Variants in BCAS1 observed in about 807,000 individuals in gnomAD.
BCAS1 encodes the protein breast carcinoma-amplified sequence 1.
In BCAS1, 46 loss-of-function variants were observed where a neutral mutation model predicts 65.4. The observed-to-expected ratio is 0.70, with a 90% CI of 0.55 to 0.90. BCAS1 has a LOEUF of 0.90. Among genes scored for constraint, BCAS1 ranks in the 40% least tolerant of loss-of-function variants. The pLI is 0.00. For missense variants in BCAS1, 793 were observed against 771.2 expected, an observed-to-expected ratio of 1.03 and a Z score of -0.33; for synonymous variants, 298 against 293.5, an observed-to-expected ratio of 1.02 and a Z score of -0.16.
intron 6 of BCAS1, among the ~76,000 whole-genome samples, chr20:53,994,141 G>A (rs898266896): frequency 6.6e-6 from 1 of 152,182 alleles, no homozygotes; most frequent in East Asian, 1.9e-4. Flanking sequence ...TCCTTCACAT[G>A]TGGGTAGCAG....
At chr20:54,058,231 T>C in intron 2 of BCAS1, 77 bp from the exon 3 acceptor site, 1 of 1,278,612 alleles carries the variant, frequency 7.8e-7, no homozygotes, top group Non-Finnish European at 1.1e-6. Flanking sequence ...ACCTCTAAGA[T>C]ACAAGGGTGT....
At chr20:53,954,335 G>GAGAGAGAGAGAGAGAGAGAGA (rs1555840854) in intron 11 of BCAS1, among the ~76,000 whole-genome samples, 24 of 138,620 alleles carry the variant, frequency 1.7e-4, no homozygotes, top group African/African-American at 4.8e-4. Flanking sequence ...GAGAGAGAGA[G>GAGAGAGAGAGAGAGAGAGAGA]GGACCAGGCA....
At chr20:54,036,074 G>A (rs2091895171) in intron 3 of BCAS1, among the ~76,000 whole-genome samples, 1 of 151,020 alleles carries the variant, frequency 6.6e-6, no homozygotes, top group African/African-American at 2.4e-5. Context: ...TGGGAGGAGG[G>A]AGAGGATCAG....
At chr20:54,006,445 C>T (rs188991611) in intron 4 of BCAS1, among the ~76,000 whole-genome samples, 261 of 152,240 alleles carry the variant, frequency 1.7e-3, no homozygotes, top group East Asian at 0.012. Flanking sequence ...CATGGTGGCT[C>T]ACGCCTGTAA....
chr20:53,975,418 C>T lies in BCAS1; in HGVS notation c.1288G>A (p.Asp430Asn). 4 of 1,612,228 alleles carry T rather than the reference C, an allele frequency of 2.5e-6. No homozygotes were observed. Among genetic ancestry groups the T allele is most frequent in the Non-Finnish European group, 3.4e-6 (4 of 1,178,812 alleles). Residue 430 changes from aspartate to asparagine, a missense_variant, in exon 9 of 13, where the codon GAC becomes AAC. Asp to Asn is a conservative substitution (Grantham distance 23). Coordinates refer to ENST00000688948, the MANE Select transcript of BCAS1 (RefSeq NM_001366298.2). ...KLFWKKSVKE[D>N]SVPTGAEENV... The stretch of plus-strand genomic sequence containing the variant: ...TCCTCCGCACCTGTGGGGACTGAGT[C>T]CTCTTTAACTGACTAAAGGAAGATA...
Position 53,995,873 on chromosome 20 carries a change from A to G in BCAS1, c.882+19T>C. The G allele has an allele frequency of 6.3e-7, 1 of 1,577,688 alleles. No individual in the cohort carries two copies. The highest frequency in any genetic ancestry group is 8.6e-7 in the Non-Finnish European group (1 of 1,160,674). ...TTTGAGCAATAGAGTGGAGGGGAAA[A>G]GAGGAGAAAACTGCTTACCAGAGTT... On this transcript the variant is annotated intron_variant, in intron 5 of 12. Transcript: ENST00000688948.
chr20:53,957,622 G>T, intron 10 of BCAS1, 125 bp from the exon 11 acceptor site: 1 of 814,966 alleles, frequency 1.2e-6, no homozygotes, highest in Admixed American at 2.0e-5. Flanking sequence ...CAAATGGAAG[G>T]CCAACTGGAA....
Position 54,028,613 on chromosome 20 carries a change from T to C in BCAS1, c.502A>G (p.Arg168Gly), listed in dbSNP as rs748770815. Residue 168 changes from arginine to glycine, a missense_variant, in exon 4 of 13, where the codon AGG becomes GGG. Transcript: ENST00000688948. ...PAQDKVLSAA[R>G]DPTLLPPETG... ...TCAGGTGGGAGAAGCGTGGGATCCC[T>C]GGCGGCAGAGAGGACCTTGTCTTGG... is the stretch of plus-strand genomic sequence containing the variant. 6.2e-7 allele frequency: 1 copy of C among 1,614,194 alleles called. No individual in the cohort carries two copies. The highest frequency in any genetic ancestry group is 1.1e-5 in the South Asian group (1 of 91,076).
chr20:53,952,073 C>A (rs2089544534), intron 12 of BCAS1, among the ~76,000 whole-genome samples: 1 of 152,202 alleles, frequency 6.6e-6, no homozygotes, highest in African/African-American at 2.4e-5. Flanking sequence ...TGTCTCCATT[C>A]TCAAAGTGGG....
At chr20:53,994,991 T>G in intron 6 of BCAS1, 21 bp downstream of exon 6, 1 of 1,608,772 alleles carries the variant, frequency 6.2e-7, no homozygotes, top group Non-Finnish European at 8.5e-7. Context: ...AATATATACA[T>G]ACACACTTCC....
chr20:53,960,469 TAAAAAAAAAAA>T (rs11467629), intron 10 of BCAS1, among the ~76,000 whole-genome samples: 240 of 63,114 alleles, frequency 3.8e-3, no homozygotes, highest in African/African-American at 0.014. Flanking sequence ...TTCAACTTCT[TAAAAAAAAAAA>T]AAAAAAAAAA....
chr20:54,058,994 T>C (rs1048691925), intron 1 of BCAS1, among the ~76,000 whole-genome samples: 2 of 152,128 alleles, frequency 1.3e-5, no homozygotes, highest in African/African-American at 2.4e-5. Flanking sequence ...AGAAGACACC[T>C]CTCCACAGGA....
At chr20:54,014,539 G>A (rs1433808581) in intron 4 of BCAS1, among the ~76,000 whole-genome samples, 2 of 152,190 alleles carry the variant, frequency 1.3e-5, no homozygotes, top group Non-Finnish European at 2.9e-5. Flanking sequence ...GCCTTGTCTG[G>A]AATGATCTGT....
intron 8 of BCAS1, among the ~76,000 whole-genome samples, chr20:53,975,765 TGAAAA>T (rs1488695769): frequency 1.3e-5 from 2 of 152,132 alleles, no homozygotes; most frequent in Non-Finnish European, 2.9e-5. Context: ...TAGTAGTTGA[TGAAAA>T]GAGAGAAATG....
At chr20:53,948,887 C>T (rs1218609006) in intron 12 of BCAS1, among the ~76,000 whole-genome samples, 2 of 152,212 alleles carry the variant, frequency 1.3e-5, no homozygotes, top group Admixed American at 6.5e-5. Flanking sequence ...CTGTTCACTG[C>T]CCGCTCTTTC....
intron 12 of BCAS1, among the ~76,000 whole-genome samples, chr20:53,951,473 A>G (rs772784365): frequency 6.6e-5 from 10 of 152,244 alleles, no homozygotes; most frequent in Non-Finnish European, 1.3e-4. Context: ...CTCCATCTCA[A>G]AAAAACAAAA....
chr20:54,042,615 C>T (rs2092020022), intron 3 of BCAS1, among the ~76,000 whole-genome samples: 1 of 152,148 alleles, frequency 6.6e-6, no homozygotes, highest in Non-Finnish European at 1.5e-5. Flanking sequence ...AAAGTATTTA[C>T]TTCTAAGGAA....
intron 4 of BCAS1, among the ~76,000 whole-genome samples, chr20:54,027,428 T>C (rs1458761691): frequency 6.6e-6 from 1 of 152,212 alleles, no homozygotes; most frequent in Non-Finnish European, 1.5e-5. Context: ...ACAGCAAGTG[T>C]AATTATTAGC....
At chr20:54,052,151 AC>A (rs1309853192) in intron 3 of BCAS1, among the ~76,000 whole-genome samples, 7 of 152,318 alleles carry the variant, frequency 4.6e-5, no homozygotes, top group Non-Finnish European at 8.8e-5. Context: ...CTTTAATAGC[AC>A]AATTCAGTGC....
Sources: gnomAD v4.1 joint callset for allele counts (sites outside exome capture counted in the v4.1 genomes callset) on GRCh38, gnomAD v4.1.1 for gene constraint, MANE v1.5 for transcripts, NCBI Gene and HGNC (gene_info 2026-07-23, HGNC 2026-07-21) for gene names.